MYOM1: variants seen among roughly 807,000 people sequenced by gnomAD.
The protein encoded by MYOM1 is myomesin 1.
A neutral mutation model predicts 205.3 loss-of-function variants in MYOM1; 164 were observed. The ratio of observed to expected loss-of-function variants is 0.80; its 90% CI spans 0.70 to 0.91. The LOEUF is 0.91. MYOM1 is among the 40% of genes least tolerant of loss of function. MYOM1 has a pLI of 0.00. For missense variants in MYOM1, 2,011 were observed against 2,127.3 expected (o/e 0.95, Z 1.08); for synonymous variants, 772 against 789.4 (o/e 0.98, Z 0.37).
chr18:3,217,289 T>A (rs192383146), intron 1 of MYOM1: 1 of 152,358 alleles, frequency 6.6e-6, no homozygotes, highest in Admixed American at 6.5e-5. Flanking sequence ...GGTCAAGCTC[T>A]GCACAGCTTT....
intron 13 of MYOM1, among the ~76,000 whole-genome samples, chr18:3,143,917 A>AC: frequency 6.7e-6 from 1 of 149,968 alleles, no homozygotes; most frequent in East Asian, 2.0e-4. Flanking sequence ...AAAAAAAAAA[A>AC]AAAAAAAGGC....
intron 36 of MYOM1, among the ~76,000 whole-genome samples, chr18:3,073,163 G>A (rs11663250): frequency 0.14 from 21,773 of 151,764 alleles, 1,768 homozygotes; most frequent in East Asian, 0.32. Flanking sequence ...CTTGTCTCCC[G>A]GTAGTTCTTG....
At chr18:3,231,801 C>A in the MYOM1 span, among the ~76,000 whole-genome samples, 3 of 149,804 alleles carry the variant, frequency 2.0e-5, no homozygotes, top group Non-Finnish European at 4.4e-5. Context: ...CTCGGCCTCC[C>A]AAAGTGCTGG....
chr18:3,231,138 T>C, the MYOM1 span, among the ~76,000 whole-genome samples: 1 of 152,224 alleles, frequency 6.6e-6, no homozygotes. Context: ...TGATGGGTCA[T>C]TTCTGATCTA....
intron 12 of MYOM1, 120 bp from the exon 13 acceptor site, chr18:3,149,321 T>C (rs2080183160): frequency 1.5e-5 from 11 of 744,630 alleles, no homozygotes; most frequent in Non-Finnish European, 2.0e-5. Context: ...AATAGACTTA[T>C]GTGTTTTCCC....
At chr18:3,075,549 C>G in intron 35 of MYOM1, 73 bp from the exon 36 acceptor site, 1 of 1,525,826 alleles carries the variant, frequency 6.6e-7, no homozygotes, top group Non-Finnish European at 9.1e-7. Context: ...CTAAACTTGA[C>G]GACATTTTCC....
intron 36 of MYOM1, among the ~76,000 whole-genome samples, chr18:3,074,073 C>T (rs74837942): frequency 0.019 from 2,911 of 152,272 alleles, 90 homozygotes; most frequent in African/African-American, 0.067. Context: ...AGGTTGCTTC[C>T]AGTTCTAAAG....
intron 20 of MYOM1, among the ~76,000 whole-genome samples, chr18:3,118,517 A>T (rs1353807411): frequency 6.6e-6 from 1 of 152,068 alleles, no homozygotes; most frequent in Non-Finnish European, 1.5e-5. Flanking sequence ...ACATTTTTTA[A>T]GAGATGAGGC....
intron 2 of MYOM1, among the ~76,000 whole-genome samples, chr18:3,206,054 C>G (rs1199687092): frequency 6.6e-6 from 1 of 152,112 alleles, no homozygotes; most frequent in Non-Finnish European, 1.5e-5. Context: ...ACCACAAAGG[C>G]CAGTGCAAAC....
At chr18:3,138,672 T>C (rs117849256) in intron 14 of MYOM1, among the ~76,000 whole-genome samples, 1,954 of 152,302 alleles carry the variant, frequency 0.013, 18 homozygotes, top group Admixed American at 0.019. Context: ...TCTTAAGCTG[T>C]TATCAGTTGT....
At chr18:3,185,188 C>T (rs963836636) in intron 5 of MYOM1, among the ~76,000 whole-genome samples, 3 of 152,340 alleles carry the variant, frequency 2.0e-5, no homozygotes, top group Admixed American at 1.3e-4. Flanking sequence ...GCTCTGCTTT[C>T]GTGAAATCAC....
intron 33 of MYOM1, among the ~76,000 whole-genome samples, chr18:3,079,830 A>C (rs2079064030): frequency 6.6e-6 from 1 of 152,226 alleles, no homozygotes; most frequent in African/African-American, 2.4e-5. Context: ...AAAGCTATTT[A>C]AAACAGATAA....
chr18:3,142,044 G>T lies in MYOM1; in HGVS notation c.1920C>A (p.Pro640=), dbSNP rs376973186. The T allele has an allele frequency of 2.1e-5, 34 of 1,613,614 alleles. No homozygotes were observed. The African/African-American group carries it at 3.9e-4, about 18-fold the overall frequency. The change falls in exon 14 of 38, where the codon CCC becomes CCA. Residue 640 remains proline, a synonymous_variant. Coordinates refer to ENST00000356443, the MANE Select transcript of MYOM1 (RefSeq NM_003803.4). ...EEPSEGIVPG[P]PTDLSVTEAT... ...CCTCAGTGACAGAGAGGTCTGTCGG[G>T]GGGCCAGGCACAATACCCTCTGAAA... is the stretch of plus-strand genomic sequence containing the variant.
chr18:3,154,616 T>TACACACACACACACAC (rs10625884), intron 11 of MYOM1, among the ~76,000 whole-genome samples: 4 of 145,850 alleles, frequency 2.7e-5, no homozygotes, highest in Admixed American at 1.4e-4. Context: ...ACCTACTCAA[T>TACACACACACACACAC]ACACACACAC....
intron 13 of MYOM1, among the ~76,000 whole-genome samples, chr18:3,144,707 C>CA (rs1477018713): frequency 6.6e-6 from 1 of 151,776 alleles, no homozygotes; most frequent in Admixed American, 6.6e-5. Flanking sequence ...GATTTCCAAG[C>CA]AAAAAAACAT....
intron 2 of MYOM1, among the ~76,000 whole-genome samples, chr18:3,201,412 GAA>G (rs1328997633): frequency 6.7e-6 from 1 of 150,310 alleles, no homozygotes; most frequent in Non-Finnish European, 1.5e-5. Context: ...AAAAAAAAAA[GAA>G]AAAAAGACTA....
the MYOM1 span, among the ~76,000 whole-genome samples, chr18:3,240,371 C>A: frequency 6.6e-6 from 1 of 152,116 alleles, no homozygotes; most frequent in Admixed American, 6.6e-5. Context: ...TGGGAGGTAA[C>A]TGAATCATGG....
the MYOM1 span, among the ~76,000 whole-genome samples, chr18:3,241,069 G>T: frequency 6.6e-6 from 1 of 152,206 alleles, no homozygotes; most frequent in Admixed American, 6.5e-5. Context: ...TTTTGTAAGG[G>T]AAGCAGAGCA....
chr18:3,166,045 G>A lies in MYOM1; in HGVS notation c.1340-1606C>T, dbSNP rs78687447. Among the ~76,000 whole-genome samples the A allele has an allele frequency of 6.0e-3, 919 of 152,196 alleles. 12 individuals are homozygous for A. The highest frequency in any genetic ancestry group is 0.021 in the African/African-American group (878 of 41,536). On this transcript the variant is annotated intron_variant, in intron 9 of 37. Transcript: ENST00000356443. ...TACATTTGTCTGCACTGCCATTCCC[G>A]TATTTCCTCCGATCATGTGCATGTG...
Sources: allele counts gnomAD v4.1 joint callset (sites outside exome capture counted in the v4.1 genomes callset), GRCh38; gene constraint gnomAD v4.1.1; transcripts MANE v1.5; gene names NCBI Gene and HGNC (gene_info 2026-07-23, HGNC 2026-07-21).